PCDHA8: variants seen among roughly 807,000 people sequenced by gnomAD.
PCDHA8 encodes the protein protocadherin alpha-8.
Under a neutral mutation model 61.8 loss-of-function variants are expected in PCDHA8, and 53 were observed. That is an observed-to-expected ratio of 0.86 (90% CI 0.69 to 1.08). PCDHA8 has a LOEUF of 1.08. Among genes scored for constraint, PCDHA8 ranks in the 50% least tolerant of loss-of-function variants. The pLI is 0.00. For synonymous variants in PCDHA8, 618 were observed against 556.6 expected (o/e 1.11, Z -1.55); for missense variants, 1,293 against 1,245.0 (o/e 1.04, Z -0.58).
intron 1 of PCDHA8, among the ~76,000 whole-genome samples, chr5:140,974,766 G>A (rs2096639663): frequency 6.6e-6 from 1 of 152,158 alleles, no homozygotes; most frequent in Non-Finnish European, 1.5e-5. Flanking sequence ...GGGATTACAG[G>A]TATGAGCCAC....
At chr5:140,928,220 C>G in intron 1 of PCDHA8, 1 of 1,614,166 alleles carries the variant, frequency 6.2e-7, no homozygotes. Context: ...GACAATACAC[C>G]AAACTTTCCT....
intron 1 of PCDHA8, among the ~76,000 whole-genome samples, chr5:140,899,881 C>G (rs1334700648): frequency 6.6e-6 from 1 of 152,146 alleles, no homozygotes; most frequent in Non-Finnish European, 1.5e-5. Context: ...TAACAGAACT[C>G]AGTGCAGCCT....
rs370831122 is a variant in PCDHA8, at chr5:140,966,962, G to C, written c.2395-11987G>C. On this transcript the variant is annotated intron_variant, in intron 1 of 3. Transcript: ENST00000531613. ...CGTGGGCAACGTGGCTCGCGCGCTG[G>C]GGCTTGAGCTGCGGCGCTTGGGGCC... The C allele has an allele frequency of 1.3e-5, 21 of 1,602,632 alleles. No individual in the cohort carries two copies. Among genetic ancestry groups the C allele is most frequent in the Admixed American group, 3.3e-5 (2 of 59,750 alleles).
In PCDHA8 at chr5:140,843,230, C is replaced by A. The variant is rs1225755586; in HGVS notation, c.1909C>A (p.Leu637Met). The change falls in exon 1 of 4, where the codon CTG (leucine) becomes ATG (methionine). Residue 637 changes from leucine to methionine, a missense_variant. By Grantham distance (15) the Leu-to-Met change is conservative (BLOSUM62 2). Transcript: ENST00000531613. ...GGGCGAGATCAGCACCACTCGTGTC[C>A]TGGACGAAGCGGACTCTCCGCGCCA... ...YTGEISTTRV[L>M]DEADSPRHRL... 4 of 1,596,146 alleles carry A rather than the reference C, an allele frequency of 2.5e-6. 1 individual carries two copies. In the African/African-American group the frequency reaches 5.4e-5, roughly 21 times the overall value.
At chr5:140,871,316 TGGTGTGCTCCCGCGC>T in intron 1 of PCDHA8, 1 of 1,614,034 alleles carries the variant, frequency 6.2e-7, no homozygotes, top group Non-Finnish European at 8.5e-7. Context: ...AAGCCCACGC[TGGTGTGCTCCCGCGC>T]GGTGGGGAGC....
At chr5:140,964,941 G>A (rs1223587543) in intron 1 of PCDHA8, among the ~76,000 whole-genome samples, 1 of 152,242 alleles carries the variant, frequency 6.6e-6, no homozygotes, top group African/African-American at 2.4e-5. Context: ...AGCATTGATA[G>A]TGAGTGTGCT....
At chr5:140,849,934 G>A (rs2150458402) in intron 1 of PCDHA8, 1 of 1,598,054 alleles carries the variant, frequency 6.3e-7, no homozygotes, top group East Asian at 2.2e-5. Context: ...GTGTCTGCGC[G>A]GGACGCTGAC....
At chr5:140,927,672 A>G in intron 1 of PCDHA8, 1 of 1,614,202 alleles carries the variant, frequency 6.2e-7, no homozygotes, top group Non-Finnish European at 8.5e-7. Flanking sequence ...CCTTGGATCC[A>G]GATGAAGGGT....
At chr5:140,969,761 T>C (rs886878870) in intron 1 of PCDHA8, among the ~76,000 whole-genome samples, 1 of 152,234 alleles carries the variant, frequency 6.6e-6, no homozygotes, top group African/African-American at 2.4e-5. Flanking sequence ...TAAAAAGCTC[T>C]GAGGCCTCTA....
intron 1 of PCDHA8, among the ~76,000 whole-genome samples, chr5:140,906,117 C>A (rs1554192403): frequency 6.6e-6 from 1 of 152,180 alleles, no homozygotes; most frequent in Non-Finnish European, 1.5e-5. Flanking sequence ...AGTCCACTGA[C>A]ACAAATGTTA....
chr5:140,875,305 C>T, intron 1 of PCDHA8: 1 of 1,420,254 alleles, frequency 7.0e-7, no homozygotes, highest in South Asian at 1.6e-5. Context: ...TTTCTCCGCA[C>T]CCACATTCCA....
chr5:140,971,284 A>G lies in PCDHA8; in HGVS notation c.2395-7665A>G, dbSNP rs573117700. 1.7e-3 allele frequency among the ~76,000 whole-genome samples: 257 copies of G among 152,334 alleles called. 1 individual carries two copies. The highest frequency in any genetic ancestry group is 3.4e-3 in the Non-Finnish European group (234 of 68,028). ...CTGTCTTACACTGACCTGTATATTAATATGTACTTTGGTACACAAACATTT... is the reference window on the plus strand; with the variant it reads ...CTGTCTTACACTGACCTGTATATTAGTATGTACTTTGGTACACAAACATTT... On this transcript the variant is annotated intron_variant, in intron 1 of 3. Transcript: ENST00000531613.
At chr5:140,926,872 AC>A in intron 1 of PCDHA8, 1 of 1,525,488 alleles carries the variant, frequency 6.6e-7, no homozygotes, top group Non-Finnish European at 8.8e-7. Flanking sequence ...TGTTGGTGGA[AC>A]GTGGACGCCT....
At chr5:140,908,019 G>A (rs1031093375) in intron 1 of PCDHA8, among the ~76,000 whole-genome samples, 1 of 152,122 alleles carries the variant, frequency 6.6e-6, no homozygotes, top group Non-Finnish European at 1.5e-5. Context: ...ACTGGCTACA[G>A]CCCATTAATC....
intron 1 of PCDHA8, among the ~76,000 whole-genome samples, chr5:140,885,639 A>C (rs782628776): frequency 6.6e-6 from 1 of 152,184 alleles, no homozygotes; most frequent in Non-Finnish European, 1.5e-5. Flanking sequence ...TTGCCTTCCA[A>C]GTATTTTGGA....
chr5:140,985,946 A>G (rs1265124776), intron 3 of PCDHA8, among the ~76,000 whole-genome samples: 1 of 151,962 alleles, frequency 6.6e-6, no homozygotes, highest in Non-Finnish European at 1.5e-5. Flanking sequence ...TCACTGTGTT[A>G]GCCAGGATGG....
At chr5:140,859,674 A>G (rs1480845911) in intron 1 of PCDHA8, 1 of 154,702 alleles carries the variant, frequency 6.5e-6, no homozygotes. Flanking sequence ...ATAGCTTCAA[A>G]TAAAATTAAA....
At chr5:140,946,032 A>C (rs1440402875) in intron 1 of PCDHA8, among the ~76,000 whole-genome samples, 2 of 152,102 alleles carry the variant, frequency 1.3e-5, no homozygotes, top group Admixed American at 1.3e-4. Flanking sequence ...AGAAAACAAG[A>C]GTGAAGGGAC....
intron 1 of PCDHA8, chr5:140,871,714 T>G (rs938500670): frequency 2.5e-6 from 2 of 805,644 alleles, no homozygotes; most frequent in African/African-American, 3.5e-5. Context: ...AATGTCCTAT[T>G]TCTCTTAATA....
Sources: allele counts gnomAD v4.1 joint callset (sites outside exome capture counted in the v4.1 genomes callset), GRCh38; gene constraint gnomAD v4.1.1; transcripts MANE v1.5; gene names NCBI Gene and HGNC (gene_info 2026-07-23, HGNC 2026-07-21).